KCNH8: variants seen among roughly 807,000 people sequenced by gnomAD.
KCNH8 encodes voltage-gated delayed rectifier potassium channel KCNH8.
Under a neutral mutation model 103.6 loss-of-function variants are expected in KCNH8, and 70 were observed. That is an observed-to-expected ratio of 0.68 (90% CI 0.56 to 0.82). The LOEUF is 0.82. Among genes scored for constraint, KCNH8 ranks in the 40% least tolerant of loss-of-function variants. The probability of loss-of-function intolerance (pLI) is 0.00; values close to 1 mark genes in which losing one functional copy is unlikely to be tolerated. For missense variants in KCNH8, 1,217 were observed against 1,329.9 expected (o/e 0.92, Z 1.32); for synonymous variants, 498 against 489.4 (o/e 1.02, Z -0.23).
rs146065084 is a variant in KCNH8 at position 19,168,704 on chromosome 3, C to T, written c.76+19909C>T. On this transcript the variant is annotated intron_variant, in intron 1 of 15. Coordinates refer to ENST00000328405, the MANE Select transcript of KCNH8 (RefSeq NM_144633.3). ...CTGAGTGTTTGAATGTCTTCCCATT[C>T]GTGTAACTATCGTTTTCAAATATGA... is the stretch of plus-strand genomic sequence containing the variant. 6.5e-3 allele frequency among the ~76,000 whole-genome samples: 985 copies of T among 152,186 alleles called. 7 individuals carry two copies. The highest frequency in any genetic ancestry group is 0.022 in the South Asian group (107 of 4,824).
intron 7 of KCNH8, among the ~76,000 whole-genome samples, chr3:19,430,377 G>C (rs568854421): frequency 1.2e-4 from 18 of 152,072 alleles, no homozygotes; most frequent in Non-Finnish European, 2.2e-4. Context: ...TAGCCTGGTA[G>C]TATAAGTTGG....
chr3:19,466,728 A>G (rs1330877956), intron 11 of KCNH8, among the ~76,000 whole-genome samples: 2 of 126,930 alleles, frequency 1.6e-5, no homozygotes, highest in African/African-American at 6.3e-5. Context: ...CAATGACACG[A>G]TCTCAGCTTA....
chr3:19,319,127 T>C (rs1003385292), intron 3 of KCNH8, among the ~76,000 whole-genome samples: 2 of 152,156 alleles, frequency 1.3e-5, no homozygotes, highest in African/African-American at 4.8e-5. Flanking sequence ...CTGTTAACTC[T>C]GCTGTTTATT....
intron 11 of KCNH8, among the ~76,000 whole-genome samples, chr3:19,490,307 G>A (rs1006590707): frequency 6.6e-6 from 1 of 152,208 alleles, no homozygotes; most frequent in South Asian, 2.1e-4. Flanking sequence ...TCAACTGGGA[G>A]CATCTGCAGA....
chr3:19,442,079 G>A (rs554699896), intron 8 of KCNH8, among the ~76,000 whole-genome samples: 28 of 152,202 alleles, frequency 1.8e-4, no homozygotes, highest in Non-Finnish European at 3.4e-4. Flanking sequence ...GTAGCATGCT[G>A]GGGCTGCAGC....
intron 1 of KCNH8, among the ~76,000 whole-genome samples, chr3:19,239,124 A>G (rs2064102172): frequency 6.6e-6 from 1 of 152,114 alleles, no homozygotes; most frequent in South Asian, 2.1e-4. Context: ...ATACAAGAGA[A>G]CCCAAGTATC....
chr3:19,209,876 T>G (rs542870791), intron 1 of KCNH8, among the ~76,000 whole-genome samples: 11 of 152,074 alleles, frequency 7.2e-5, no homozygotes, highest in African/African-American at 2.6e-4. Context: ...CCTTCCTCAG[T>G]GTAATGTGTA....
At chr3:19,360,443 C>A (rs1246055252) in intron 5 of KCNH8, among the ~76,000 whole-genome samples, 4 of 151,998 alleles carry the variant, frequency 2.6e-5, no homozygotes, top group Non-Finnish European at 4.4e-5. Context: ...TTATCGTTAA[C>A]ACAATTACTC....
At chr3:19,197,581 G>A (rs1575429355) in intron 1 of KCNH8, among the ~76,000 whole-genome samples, 1 of 151,614 alleles carries the variant, frequency 6.6e-6, no homozygotes, top group East Asian at 2.0e-4. Context: ...ACAGGTTTTG[G>A]AGCTGGACTT....
chr3:19,459,765 G>T (rs1575090615), intron 11 of KCNH8, among the ~76,000 whole-genome samples: 1 of 151,946 alleles, frequency 6.6e-6, no homozygotes, highest in Admixed American at 6.6e-5. Context: ...TTTTGAATTT[G>T]TTTGTATATG....
intron 15 of KCNH8, among the ~76,000 whole-genome samples, chr3:19,527,240 A>G (rs2069081332): frequency 6.6e-6 from 1 of 152,096 alleles, no homozygotes; most frequent in Non-Finnish European, 1.5e-5. Context: ...ATATTAGTTA[A>G]GTAAAATTGT....
In KCNH8 at chr3:19,484,021, G is replaced by A. The variant is rs1339010769; in HGVS notation, c.2041-26342G>A. 7.9e-5 allele frequency among the ~76,000 whole-genome samples: 12 copies of A among 151,882 alleles called. No homozygotes were observed. The East Asian group carries it at 1.9e-3, about 24-fold the overall frequency. On this transcript the variant is annotated intron_variant, in intron 11 of 15. Transcript: ENST00000328405. The stretch of plus-strand genomic sequence containing the variant: ...GTCATATAGTCTTTTTTTTAATTAA[G>A]AGAGTCACATTTCCTTTCTAACTTA...
At chr3:19,323,390 A>G (rs1265174926) in intron 3 of KCNH8, among the ~76,000 whole-genome samples, 2 of 152,102 alleles carry the variant, frequency 1.3e-5, no homozygotes, top group African/African-American at 2.4e-5. Flanking sequence ...CAGAGCTTGC[A>G]GTGAGCTGAG....
At chr3:19,402,380 A>G (rs2066626274) in intron 7 of KCNH8, among the ~76,000 whole-genome samples, 1 of 151,896 alleles carries the variant, frequency 6.6e-6, no homozygotes, top group Non-Finnish European at 1.5e-5. Flanking sequence ...ATCCTACAGT[A>G]AATCTACAAA....
At chr3:19,200,446 C>G (rs1335733854) in intron 1 of KCNH8, among the ~76,000 whole-genome samples, 2 of 151,162 alleles carry the variant, frequency 1.3e-5, no homozygotes, top group Non-Finnish European at 2.9e-5. Flanking sequence ...ACTGAAAGCC[C>G]TGAATATTAT....
At chr3:19,155,914 C>A (rs912282804) in intron 1 of KCNH8, among the ~76,000 whole-genome samples, 3 of 152,166 alleles carry the variant, frequency 2.0e-5, no homozygotes, top group Non-Finnish European at 4.4e-5. Context: ...ACTCCCATTG[C>A]TTAGACTTAT....
chr3:19,260,988 A>ATG (rs1370697339), intron 2 of KCNH8, among the ~76,000 whole-genome samples: 1 of 142,274 alleles, frequency 7.0e-6, no homozygotes, highest in East Asian at 2.0e-4. Context: ...ATATATATAT[A>ATG]TATATCAGTT....
At chr3:19,294,809 C>T (rs1329853545) in intron 3 of KCNH8, among the ~76,000 whole-genome samples, 2 of 152,080 alleles carry the variant, frequency 1.3e-5, no homozygotes, top group Non-Finnish European at 2.9e-5. Flanking sequence ...GCATAATAGT[C>T]ATGGCATGCT....
intron 1 of KCNH8, among the ~76,000 whole-genome samples, chr3:19,236,146 G>T (rs141619651): frequency 1.2e-3 from 182 of 152,268 alleles, no homozygotes; most frequent in African/African-American, 3.6e-3. Context: ...CAACTCCATT[G>T]CTCCACAGTA....
Sources: allele counts gnomAD v4.1 joint callset (sites outside exome capture counted in the v4.1 genomes callset), GRCh38; gene constraint gnomAD v4.1.1; transcripts MANE v1.5; gene names NCBI Gene and HGNC (gene_info 2026-07-23, HGNC 2026-07-21).